Variants in BPTF observed in about 807,000 individuals in gnomAD.
BPTF encodes bromodomain PHD finger transcription factor.
BPTF carries 18 observed loss-of-function variants against 292.5 expected under a neutral mutation model. The observed-to-expected ratio is 0.06, with a 90% CI of 0.04 to 0.09. The LOEUF (loss-of-function observed/expected upper bound fraction) is 0.09, where lower values mean the gene tolerates loss of function less well. Among genes scored for constraint, BPTF ranks in the 10% least tolerant of loss-of-function variants. The pLI, the probability that BPTF is intolerant of heterozygous loss-of-function variation, is 1.00. For synonymous variants in BPTF, 1,225 were observed against 1,251.9 expected (o/e 0.98, Z 0.45); for missense variants, 2,726 against 3,498.7 (o/e 0.78, Z 5.57).
At chr17:67,973,078 A>AT (rs1729495625) in intron 26 of BPTF, among the ~76,000 whole-genome samples, 5 of 144,630 alleles carry the variant, frequency 3.5e-5, no homozygotes, top group African/African-American at 1.3e-4. Context: ...ATATATATAT[A>AT]ATATATATAT....
chr17:67,826,039 G>GGGC lies in BPTF; in HGVS notation c.325_327dup (p.Gly109dup), dbSNP rs946849136. The GGGC allele has an allele frequency of 3.3e-6, 4 of 1,196,478 alleles. No homozygotes were observed. Among genetic ancestry groups the GGGC allele is most frequent in the Admixed American group, 4.1e-5 (1 of 24,176 alleles). The allele number at this position is 1,196,478 out of a possible 1,614,324, so 74.1% of individuals were successfully genotyped here. A position where few individuals can be genotyped will look rare whatever the true frequency, so the allele number is the denominator to read the frequency against. ...GCGGGGGCGGCAGGACGGGGGGCGGGGGCGGCGGCGGCCACCTGGCCCGGA... is the reference window on the plus strand; with the variant it reads ...GCGGGGGCGGCAGGACGGGGGGCGGGGGCGGCGGCGGCGGCCACCTGGCCCGGA... On this transcript the variant is annotated inframe_insertion, in exon 1 of 28. Coordinates refer to ENST00000306378, the MANE Select transcript of BPTF (RefSeq NM_182641.4).
At chr17:67,885,201 A>G (rs978089080) in intron 4 of BPTF, among the ~76,000 whole-genome samples, 1 of 152,184 alleles carries the variant, frequency 6.6e-6, no homozygotes, top group Non-Finnish European at 1.5e-5. Context: ...CTACCATGGA[A>G]AGACAGGCTT....
intron 1 of BPTF, among the ~76,000 whole-genome samples, chr17:67,850,056 T>TCTC (rs2058296745): frequency 5.9e-5 from 9 of 152,222 alleles, no homozygotes; most frequent in African/African-American, 1.9e-4. Context: ...GTCCTGTATT[T>TCTC]ACTTACGTAG....
At chr17:67,906,644 T>G (rs542857885) in intron 9 of BPTF, among the ~76,000 whole-genome samples, 5 of 152,348 alleles carry the variant, frequency 3.3e-5, no homozygotes, top group African/African-American at 9.6e-5. Context: ...GGATTACGGT[T>G]TCTTTGCACT....
chr17:67,981,465 C>G (rs1555696621), intron 27 of BPTF: 2 of 1,241,524 alleles, frequency 1.6e-6, no homozygotes, highest in Non-Finnish European at 2.1e-6. Flanking sequence ...GAATTTTTAA[C>G]TGGAATCAGA....
At position 67,976,716 on chromosome 17, in the gene BPTF, T is replaced by A. The variant is rs56321665; in HGVS notation, c.8726+758T>A. On this transcript the variant is annotated intron_variant, in intron 27 of 27. Transcript: ENST00000306378. ...AAAAAAAAAAAAAAAAAAAAAAAAA[T>A]AAGAATAAAAGAAGAATTTCCTGAG... Among the ~76,000 whole-genome samples, 924 of 128,084 alleles carry A rather than the reference T, an allele frequency of 7.2e-3. 32 individuals carry two copies. The highest frequency in any genetic ancestry group is 0.026 in the African/African-American group (817 of 31,890). 84.0% of individuals were successfully genotyped at this position (128,084 alleles called of 152,430 possible). A position where few individuals can be genotyped will look rare whatever the true frequency, so the allele number is the denominator to read the frequency against.
intron 13 of BPTF, among the ~76,000 whole-genome samples, chr17:67,922,022 C>T (rs937370054): frequency 5.9e-5 from 9 of 151,948 alleles, no homozygotes; most frequent in Non-Finnish European, 1.0e-4. Context: ...CAGAGCAAGA[C>T]TCTGTCTCCA....
intron 1 of BPTF, 43 bp from the exon 2 acceptor site, chr17:67,853,897 T>G: frequency 1.4e-6 from 2 of 1,447,926 alleles, no homozygotes; most frequent in Non-Finnish European, 1.9e-6. Flanking sequence ...GTAGAAATGA[T>G]GTAATGTATT....
At chr17:67,936,010 T>G (rs2064884083) in intron 18 of BPTF, among the ~76,000 whole-genome samples, 1 of 152,126 alleles carries the variant, frequency 6.6e-6, no homozygotes, top group Admixed American at 6.6e-5. Context: ...AGAAGAAATT[T>G]GAAAAGTTGC....
intron 1 of BPTF, among the ~76,000 whole-genome samples, chr17:67,828,788 A>G (rs1044493213): frequency 2.0e-5 from 3 of 152,170 alleles, no homozygotes; most frequent in African/African-American, 7.2e-5. Flanking sequence ...TCAGCCTCCC[A>G]AAGTGCTGGG....
intron 22 of BPTF, 96 bp downstream of exon 22, chr17:67,947,904 A>C: frequency 7.6e-7 from 1 of 1,321,514 alleles, no homozygotes; most frequent in South Asian, 1.4e-5. Flanking sequence ...TCTTGATTGA[A>C]GTTCATTAAA....
At chr17:67,862,535 A>T (rs1395170954) in intron 2 of BPTF, among the ~76,000 whole-genome samples, 2 of 152,150 alleles carry the variant, frequency 1.3e-5, no homozygotes, top group African/African-American at 2.4e-5. Flanking sequence ...ATTTGAACCT[A>T]GGCATTCTGG....
intron 18 of BPTF, chr17:67,936,727 A>G (rs1279386028): frequency 6.6e-6 from 1 of 152,210 alleles, no homozygotes; most frequent in Non-Finnish European, 1.5e-5. Flanking sequence ...TCTTAGTAGT[A>G]ATACTCTAAA....
intron 26 of BPTF, among the ~76,000 whole-genome samples, chr17:67,966,994 G>T (rs1249248063): frequency 1.3e-5 from 2 of 151,446 alleles, no homozygotes; most frequent in Non-Finnish European, 2.9e-5. Context: ...CAGCTACTCA[G>T]GAGGCTGAGG....
chr17:67,878,406 A>G (rs1042509763), intron 4 of BPTF, among the ~76,000 whole-genome samples: 5 of 152,140 alleles, frequency 3.3e-5, no homozygotes, highest in African/African-American at 1.2e-4. Context: ...GTACAAGCCT[A>G]GTTGTGGATT....
At chr17:67,916,442 G>A (rs529984641) in intron 11 of BPTF, among the ~76,000 whole-genome samples, 2 of 152,006 alleles carry the variant, frequency 1.3e-5, no homozygotes, top group Non-Finnish European at 2.9e-5. Context: ...ATACAAAAAT[G>A]AGCCCGGCGT....
At chr17:67,981,671 A>G (rs2070380194) in intron 27 of BPTF, 3 of 993,846 alleles carry the variant, frequency 3.0e-6, no homozygotes, top group South Asian at 8.6e-5. Context: ...TTTATCTGCT[A>G]TTTCAATATA....
chr17:67,905,842 G>GT (rs983093175), intron 9 of BPTF, among the ~76,000 whole-genome samples: 4 of 151,580 alleles, frequency 2.6e-5, no homozygotes, highest in African/African-American at 9.7e-5. Flanking sequence ...CATAAATGAG[G>GT]TTTTTCAGTG....
intron 27 of BPTF, among the ~76,000 whole-genome samples, chr17:67,979,299 A>G (rs1295629449): frequency 4.6e-5 from 7 of 152,098 alleles, no homozygotes; most frequent in Non-Finnish European, 1.5e-5. Context: ...TGTAATACCA[A>G]CACTTTGGAA....
Sources: allele counts gnomAD v4.1 joint callset (sites outside exome capture counted in the v4.1 genomes callset), GRCh38; gene constraint gnomAD v4.1.1; transcripts MANE v1.5; gene names NCBI Gene and HGNC (gene_info 2026-07-23, HGNC 2026-07-21).